The following PHACTR3 variants were observed in gnomAD, a reference collection of about 807,000 sequenced individuals.
The protein encoded by PHACTR3 is protein phosphatase 1, regulatory subunit 123.
In PHACTR3, 16 loss-of-function variants were observed where a neutral mutation model predicts 66.8. That is an observed-to-expected ratio of 0.24 (90% CI 0.16 to 0.36). PHACTR3 has a LOEUF of 0.36. Among genes scored for constraint, PHACTR3 ranks in the 10% least tolerant of loss-of-function variants. The pLI, the probability that PHACTR3 is intolerant of heterozygous loss-of-function variation, is 1.00. For synonymous variants in PHACTR3, 323 were observed against 292.1 expected, an observed-to-expected ratio of 1.11 and a Z score of -1.08; for missense variants, 647 against 719.9, an observed-to-expected ratio of 0.90 and a Z score of 1.16.
At chr20:59,612,555 T>G (rs1173909658) in intron 1 of PHACTR3, among the ~76,000 whole-genome samples, 1 of 152,058 alleles carries the variant, frequency 6.6e-6, no homozygotes, top group Non-Finnish European at 1.5e-5. Context: ...CAACTAATTT[T>G]TTCTGCATTT....
At chr20:59,740,710 C>T (rs181939636) in intron 1 of PHACTR3, among the ~76,000 whole-genome samples, 4 of 152,298 alleles carry the variant, frequency 2.6e-5, no homozygotes, top group East Asian at 3.9e-4. Context: ...TCCAAGGGGC[C>T]GGGTGGCTTA....
At chr20:59,656,773 T>G (rs1487455922) in intron 1 of PHACTR3, among the ~76,000 whole-genome samples, 1 of 151,940 alleles carries the variant, frequency 6.6e-6, no homozygotes, top group Non-Finnish European at 1.5e-5. Context: ...TGTAACATTT[T>G]AATTTCTTTA....
At chr20:59,704,550 C>T (rs1015987371) in intron 1 of PHACTR3, among the ~76,000 whole-genome samples, 3 of 144,780 alleles carry the variant, frequency 2.1e-5, no homozygotes, top group Admixed American at 7.0e-5. Context: ...TCAGCACTCT[C>T]CTGAGAATAG....
chr20:59,626,636 T>TGGC (rs2034458015), intron 1 of PHACTR3: 1 of 152,240 alleles, frequency 6.6e-6, no homozygotes, highest in African/African-American at 2.4e-5. Context: ...TGCCAAGAGG[T>TGGC]GGCCAGGGGA....
chr20:59,774,532 G>C, intron 7 of PHACTR3, 42 bp downstream of exon 7: 6 of 1,583,984 alleles, frequency 3.8e-6, no homozygotes, highest in Non-Finnish European at 5.1e-6. Context: ...ATCTCGGCCA[G>C]AGGTCTAGTG....
At position 59,830,614 on chromosome 20, in the gene PHACTR3, TGAAGGTG is replaced by T. The variant is rs1314313084; in HGVS notation, c.1329-5886_1329-5880del. Among the ~76,000 whole-genome samples the T allele has an allele frequency of 6.6e-6, 1 of 152,212 alleles. No homozygotes were observed. The highest frequency in any genetic ancestry group is 6.5e-5 in the Admixed American group (1 of 15,288). On this transcript the variant is annotated intron_variant, in intron 8 of 12. Coordinates refer to ENST00000371015, the MANE Select transcript of PHACTR3 (RefSeq NM_080672.5). This position sits in a 1 kb window ranked among gnomAD's most constrained non-coding sequence, Gnocchi z 5.8. ...GGATGGAGCCTGCAGCTCTGCTGGC[TGAAGGTG>T]GAAGAGACCTGGGCTCAGCACGCCA...
At chr20:59,588,818 C>G (rs1285740129) in intron 1 of PHACTR3, among the ~76,000 whole-genome samples, 1 of 152,222 alleles carries the variant, frequency 6.6e-6, no homozygotes, top group Non-Finnish European at 1.5e-5. Context: ...CTCAAATGAT[C>G]AAATATAAAG....
At chr20:59,585,123 G>A (rs2032984102) in intron 1 of PHACTR3, among the ~76,000 whole-genome samples, 1 of 152,202 alleles carries the variant, frequency 6.6e-6, no homozygotes, top group Non-Finnish European at 1.5e-5. Flanking sequence ...AGGTGGAGAA[G>A]TGAGCAACCC....
chr20:59,786,368 C>G (rs2040915474), intron 7 of PHACTR3, among the ~76,000 whole-genome samples: 1 of 152,228 alleles, frequency 6.6e-6, no homozygotes, highest in Non-Finnish European at 1.5e-5. Flanking sequence ...AACCTGACAA[C>G]TCAATGATGT....
chr20:59,796,813 T>C (rs1015988582), intron 7 of PHACTR3, among the ~76,000 whole-genome samples: 2 of 152,212 alleles, frequency 1.3e-5, no homozygotes, highest in Non-Finnish European at 2.9e-5. Flanking sequence ...GGTTTGATTA[T>C]GATGTATCTG....
intron 1 of PHACTR3, among the ~76,000 whole-genome samples, chr20:59,635,133 T>TTC (rs1400113252): frequency 3.6e-4 from 29 of 81,290 alleles, no homozygotes; most frequent in African/African-American, 1.4e-3. Context: ...CTTTCTTTCT[T>TTC]TCTTTCTTTC....
chr20:59,660,232 C>T (rs550350420), intron 1 of PHACTR3, among the ~76,000 whole-genome samples: 16 of 152,294 alleles, frequency 1.1e-4, no homozygotes, highest in South Asian at 4.1e-4. Flanking sequence ...CAGTGGCTCA[C>T]GCCTGTAATC....
chr20:59,755,224 C>T lies in PHACTR3; in HGVS notation c.401C>T (p.Ser134Phe), dbSNP rs753043777. 6.2e-7 allele frequency: 1 copy of T among 1,613,862 alleles called. No individual in the cohort carries two copies. The highest frequency in any genetic ancestry group is 8.5e-7 in the Non-Finnish European group (1 of 1,180,030). The change falls in exon 4 of 13, where the codon TCT (serine) becomes TTT (phenylalanine). Residue 134 changes from serine (S) to phenylalanine (F), a missense_variant. Ser to Phe is a radical substitution (Grantham distance 155, BLOSUM62 -2). This residue lies in a region of PHACTR3 where 577 missense variants were observed against 571.1 expected (regional missense o/e 1.01). Coordinates refer to ENST00000371015, the MANE Select transcript of PHACTR3 (RefSeq NM_080672.5). Reference protein sequence around the residue: ...KTCNPDGGPRSVQSEPPTPKS... With the variant: ...KTCNPDGGPRFVQSEPPTPKS... ...TGCAACCCCGATGGAGGACCCCGATCTGTACAGAGTGAACCACCCACTCCC... is the reference window on the plus strand; with the variant it reads ...TGCAACCCCGATGGAGGACCCCGATTTGTACAGAGTGAACCACCCACTCCC...
Position 59,847,498 on chromosome 20 carries a change from C to T in PHACTR3, c.*368C>T, listed in dbSNP as rs766100561. ...ACTCCCAGGCCTCTGACATGAGGGA[C>T]ATGTGACAGTGTCATTCAGTATTAT... On this transcript the variant is annotated 3_prime_UTR_variant, in exon 13 of 13. Coordinates refer to ENST00000371015, the MANE Select transcript of PHACTR3 (RefSeq NM_080672.5). 6.9e-5 allele frequency: 14 copies of T among 203,170 alleles called. No homozygotes were observed. The highest frequency in any genetic ancestry group is 1.1e-4 in the Non-Finnish European group (11 of 100,450). The allele number at this position is 203,170 out of a possible 1,614,324, so 12.6% of individuals were successfully genotyped here. A position where few individuals can be genotyped will look rare whatever the true frequency, so the allele number is the denominator to read the frequency against.
rs898974461 is a variant in PHACTR3, at chr20:59,584,298, C to CTG, written c.109+6688_109+6689dup. Among the ~76,000 whole-genome samples the CTG allele has an allele frequency of 4.0e-5, 6 of 150,316 alleles. No individual in the cohort carries two copies. The South Asian group carries it at 1.1e-3, about 26-fold the overall frequency. ...AGGCCGTGCAAGAGTGTGTACGTGC[C>CTG]TGTGTGTGACTGTGTGTGTGAGGGT... On this transcript the variant is annotated intron_variant, in intron 1 of 12. Transcript: ENST00000359926.
intron 9 of PHACTR3, among the ~76,000 whole-genome samples, chr20:59,840,123 G>A (rs550971905): frequency 6.6e-6 from 1 of 152,292 alleles, no homozygotes; most frequent in South Asian, 2.1e-4. Context: ...CTAATGCACA[G>A]AAGGGCTGAG....
chr20:59,805,188 A>G (rs2041529331), intron 7 of PHACTR3, among the ~76,000 whole-genome samples: 1 of 152,208 alleles, frequency 6.6e-6, no homozygotes, highest in African/African-American at 2.4e-5. Flanking sequence ...CTCTGCTCCT[A>G]AGTAAATATA....
At chr20:59,718,539 G>A (rs138800222) in intron 1 of PHACTR3, among the ~76,000 whole-genome samples, 56 of 151,044 alleles carry the variant, frequency 3.7e-4, no homozygotes, top group African/African-American at 1.2e-3. Context: ...GTACAGCATC[G>A]TGAAAGGCCC....
At chr20:59,845,328 T>A in intron 12 of PHACTR3, 63 bp downstream of exon 12, 1 of 998,986 alleles carries the variant, frequency 1.0e-6, no homozygotes, top group South Asian at 1.5e-5. Flanking sequence ...CCTTCCCCCG[T>A]CCCCCGCCAC....
Sources: allele counts gnomAD v4.1 joint callset (sites outside exome capture counted in the v4.1 genomes callset), GRCh38; gene constraint gnomAD v4.1.1; regional missense constraint gnomAD v4.1.1; non-coding constraint Gnocchi (gnomAD v3.1); transcripts MANE v1.5; gene names NCBI Gene and HGNC (gene_info 2026-07-23, HGNC 2026-07-21).